Variants in TAFA2 observed in about 807,000 individuals in gnomAD.
TAFA2 encodes chemokine-like protein TAFA-2.
A neutral mutation model predicts 18.8 loss-of-function variants in TAFA2; 7 were observed. The ratio of observed to expected loss-of-function variants is 0.37; its 90% CI spans 0.21 to 0.70. TAFA2 has a LOEUF of 0.70. Ranked by LOEUF, TAFA2 falls within the 30% of genes least tolerant of loss-of-function variation. The pLI, the probability that TAFA2 is intolerant of heterozygous loss-of-function variation, is 0.53. For missense variants in TAFA2, 122 were observed against 158.1 expected, an observed-to-expected ratio of 0.77 and a Z score of 1.23; for synonymous variants, 60 against 54.2, an observed-to-expected ratio of 1.11 and a Z score of -0.47.
At chr12:61,715,708 G>C (rs1414425056) in intron 4 of TAFA2, among the ~76,000 whole-genome samples, 1 of 148,414 alleles carries the variant, frequency 6.7e-6, no homozygotes, top group African/African-American at 2.5e-5. Flanking sequence ...AGGAGTTTGA[G>C]ACCAGCCCGG....
chr12:61,713,422 A>G (rs1869505110), intron 4 of TAFA2, among the ~76,000 whole-genome samples: 1 of 152,150 alleles, frequency 6.6e-6, no homozygotes, highest in South Asian at 2.1e-4. Flanking sequence ...AATTCGGCTA[A>G]AGTTTTTCTT....
chr12:62,165,169 A>G (rs1178181273), intron 1 of TAFA2, among the ~76,000 whole-genome samples: 1 of 152,104 alleles, frequency 6.6e-6, no homozygotes, highest in Non-Finnish European at 1.5e-5. Context: ...ATTAATTTGT[A>G]ATTTCAGAAT....
chr12:62,240,616 G>T (rs546255083), intron 1 of TAFA2, among the ~76,000 whole-genome samples: 1 of 152,126 alleles, frequency 6.6e-6, no homozygotes, highest in Non-Finnish European at 1.5e-5. Flanking sequence ...CTAGTTGAAT[G>T]AATAGATTCC....
intron 1 of TAFA2, among the ~76,000 whole-genome samples, chr12:62,238,200 G>C (rs1237848919): frequency 6.6e-6 from 1 of 152,166 alleles, no homozygotes; most frequent in African/African-American, 2.4e-5. Flanking sequence ...TGGAAGGAGG[G>C]GCTTGATGGG....
chr12:61,767,761 AAG>A (rs1869852757), intron 2 of TAFA2, among the ~76,000 whole-genome samples: 2 of 152,196 alleles, frequency 1.3e-5, no homozygotes, highest in South Asian at 4.1e-4. Flanking sequence ...CAAATTATTA[AAG>A]AGGACAAGGA....
chr12:61,915,337 C>A (rs1476430055), intron 1 of TAFA2, among the ~76,000 whole-genome samples: 1 of 152,178 alleles, frequency 6.6e-6, no homozygotes, highest in African/African-American at 2.4e-5. Flanking sequence ...AAGGGGCCAT[C>A]CCATATATTC....
chr12:61,944,986 G>A lies in TAFA2; in HGVS notation c.-1-77560C>T, dbSNP rs901229442. 5.4e-3 allele frequency among the ~76,000 whole-genome samples: 809 copies of A among 150,508 alleles called. 7 individuals are homozygous for A. The highest frequency in any genetic ancestry group is 0.019 in the African/African-American group (763 of 40,644). On this transcript the variant is annotated intron_variant, in intron 1 of 4. Transcript: ENST00000416284. ...CAGCATCATTCTGATACCAAAGACT[G>A]GCAGAGACACAACCAAAAAAGAGAA...
chr12:61,962,711 T>G (rs140610537), intron 1 of TAFA2, among the ~76,000 whole-genome samples: 2 of 152,162 alleles, frequency 1.3e-5, no homozygotes, highest in African/African-American at 4.8e-5. Context: ...GCATTACTTA[T>G]GTAATTATAC....
chr12:62,195,469 G>C (rs1011407602), upstream of TAFA2, among the ~76,000 whole-genome samples: 3 of 152,098 alleles, frequency 2.0e-5, no homozygotes, highest in Admixed American at 1.3e-4. Context: ...ATGTAGCCTA[G>C]CAAAATATAT....
intron 1 of TAFA2, among the ~76,000 whole-genome samples, chr12:61,883,181 A>G (rs1012713209): frequency 5.3e-5 from 8 of 152,324 alleles, no homozygotes; most frequent in African/African-American, 1.4e-4. Context: ...AACAAAAAAA[A>G]TTCATCTTTC....
intron 1 of TAFA2, among the ~76,000 whole-genome samples, chr12:62,092,767 A>G (rs1421194257): frequency 6.6e-6 from 1 of 152,030 alleles, no homozygotes; most frequent in Non-Finnish European, 1.5e-5. Context: ...CTCCAAGGTC[A>G]ATGATATGAT....
intron 1 of TAFA2, among the ~76,000 whole-genome samples, chr12:62,002,584 C>T (rs1880415276): frequency 6.6e-6 from 1 of 152,176 alleles, no homozygotes; most frequent in Admixed American, 6.5e-5. Context: ...TCTACTGATA[C>T]CTGTGTCATT....
intron 1 of TAFA2, among the ~76,000 whole-genome samples, chr12:62,177,871 C>G (rs971879919): frequency 6.6e-6 from 1 of 152,034 alleles, no homozygotes; most frequent in South Asian, 2.1e-4. Flanking sequence ...TTTCTTCAAA[C>G]TTTTGCCAGT....
chr12:61,732,985 G>A (rs1868249871), intron 4 of TAFA2, among the ~76,000 whole-genome samples: 1 of 151,884 alleles, frequency 6.6e-6, no homozygotes, highest in Non-Finnish European at 1.5e-5. Flanking sequence ...CTGCTCTTGG[G>A]TTAATGAAAT....
chr12:61,904,502 TA>T (rs771460440), intron 1 of TAFA2, among the ~76,000 whole-genome samples: 3 of 152,168 alleles, frequency 2.0e-5, no homozygotes, highest in African/African-American at 4.8e-5. Flanking sequence ...GCTAGGGCTC[TA>T]AAAATAAAGT....
At chr12:61,943,625 GA>G (rs1250170644) in intron 1 of TAFA2, among the ~76,000 whole-genome samples, 1 of 151,176 alleles carries the variant, frequency 6.6e-6, no homozygotes, top group East Asian at 1.9e-4. Context: ...CAAGCCAATG[GA>G]AAACAAAAAA....
At chr12:62,225,153 AATTAAG>A (rs1257346438) in intron 1 of TAFA2, among the ~76,000 whole-genome samples, 1 of 152,152 alleles carries the variant, frequency 6.6e-6, no homozygotes, top group Non-Finnish European at 1.5e-5. Flanking sequence ...TTAATCAATT[AATTAAG>A]ACAATGTGGT....
At chr12:62,171,147 C>CATT (rs142267647) in intron 1 of TAFA2, among the ~76,000 whole-genome samples, 12 of 151,828 alleles carry the variant, frequency 7.9e-5, no homozygotes, top group Middle Eastern at 3.4e-3. Flanking sequence ...GTATAATCCC[C>CATT]ATTATTATTA....
At chr12:62,079,872 C>T (rs1025044197) in intron 1 of TAFA2, among the ~76,000 whole-genome samples, 4 of 152,160 alleles carry the variant, frequency 2.6e-5, no homozygotes, top group African/African-American at 9.7e-5. Context: ...TTCTCTACTG[C>T]CACATCGCAA....
Sources: gnomAD v4.1 joint callset for allele counts (sites outside exome capture counted in the v4.1 genomes callset) on GRCh38, gnomAD v4.1.1 for gene constraint, MANE v1.5 for transcripts, NCBI Gene and HGNC (gene_info 2026-07-23, HGNC 2026-07-21) for gene names.